RBFOX1: variants seen among roughly 807,000 people sequenced by gnomAD.
RBFOX1 encodes RNA binding protein fox-1 homolog 1.
In RBFOX1, 8 loss-of-function variants were observed where a neutral mutation model predicts 57.7. The observed-to-expected ratio is 0.14, with a 90% CI of 0.08 to 0.25. The LOEUF (loss-of-function observed/expected upper bound fraction) is 0.25, where lower values mean the gene tolerates loss of function less well. Ranked by LOEUF, RBFOX1 falls within the 10% of genes least tolerant of loss-of-function variation. RBFOX1 has a pLI of 1.00. For synonymous variants in RBFOX1, 326 were observed against 222.4 expected (o/e 1.47, Z -4.15); for missense variants, 611 against 548.5 (o/e 1.11, Z -1.14).
intron 4 of RBFOX1, among the ~76,000 whole-genome samples, chr16:7,327,078 A>G (rs977933894): frequency 2.0e-5 from 3 of 152,226 alleles, no homozygotes; most frequent in Admixed American, 6.5e-5. Context: ...ACCAAACACA[A>G]TGCTGAAATG....
intron 12 of RBFOX1, among the ~76,000 whole-genome samples, chr16:7,659,489 C>G (rs1000323185): frequency 5.9e-5 from 9 of 152,170 alleles, no homozygotes; most frequent in Admixed American, 5.2e-4. Context: ...ACTTTAGACA[C>G]AGGGGCGTCC....
At chr16:5,655,557 G>T (rs1262925251) in intron 3 of RBFOX1, among the ~76,000 whole-genome samples, 2 of 152,176 alleles carry the variant, frequency 1.3e-5, no homozygotes, top group African/African-American at 4.8e-5. Context: ...TTCAAAGTGG[G>T]TTCTGCTACA....
At chr16:5,530,302 T>G (rs1364468447) in intron 2 of RBFOX1, among the ~76,000 whole-genome samples, 1 of 152,158 alleles carries the variant, frequency 6.6e-6, no homozygotes, top group African/African-American at 2.4e-5. Flanking sequence ...GTGCCTGGCC[T>G]TTCTCTCATT....
chr16:7,091,450 G>A (rs1214045659), intron 4 of RBFOX1, among the ~76,000 whole-genome samples: 2 of 151,566 alleles, frequency 1.3e-5, no homozygotes, highest in Non-Finnish European at 1.5e-5. Flanking sequence ...AAGAATTTCT[G>A]AGGGATGTTG....
chr16:5,989,832 T>C (rs1025403706), intron 4 of RBFOX1, among the ~76,000 whole-genome samples: 29 of 62,376 alleles, frequency 4.6e-4, no homozygotes, highest in African/African-American at 1.6e-3. Context: ...GAGAGACTAG[T>C]AACACCCCCT....
chr16:6,511,479 G>A (rs977746170), intron 2 of RBFOX1, among the ~76,000 whole-genome samples: 7 of 152,130 alleles, frequency 4.6e-5, no homozygotes, highest in African/African-American at 9.7e-5. Flanking sequence ...TAAAACATGC[G>A]CTTTTAGAAT....
At chr16:7,364,891 G>A (rs541290009) in intron 4 of RBFOX1, among the ~76,000 whole-genome samples, 33 of 152,318 alleles carry the variant, frequency 2.2e-4, no homozygotes, top group Non-Finnish European at 4.3e-4. Context: ...TCAAGATGCT[G>A]TTAGGAAGGT....
At chr16:7,004,284 A>C (rs143570008) in intron 3 of RBFOX1, among the ~76,000 whole-genome samples, 181 of 152,346 alleles carry the variant, frequency 1.2e-3, no homozygotes, top group Non-Finnish European at 8.1e-4. Context: ...TATATTAATT[A>C]GATTAAATTA....
intron 4 of RBFOX1, among the ~76,000 whole-genome samples, chr16:7,444,979 C>G (rs1346969539): frequency 6.6e-6 from 1 of 152,000 alleles, no homozygotes; most frequent in Non-Finnish European, 1.5e-5. Flanking sequence ...CATGTTCTAA[C>G]TCTTATTGCT....
intron 2 of RBFOX1, among the ~76,000 whole-genome samples, chr16:6,589,152 A>G (rs542635702): frequency 4.4e-4 from 67 of 152,318 alleles, no homozygotes; most frequent in African/African-American, 1.6e-3. Flanking sequence ...GAACCATGGC[A>G]CCCAGCTAGA....
At chr16:7,161,938 C>A (rs938999870) in intron 4 of RBFOX1, among the ~76,000 whole-genome samples, 6 of 152,160 alleles carry the variant, frequency 3.9e-5, no homozygotes, top group Non-Finnish European at 5.9e-5. Context: ...TTGGGGTTAC[C>A]CAAGTTGAGC....
intron 10 of RBFOX1, 21 bp downstream of exon 10, chr16:7,607,359 C>A (rs769902614): frequency 1.9e-6 from 3 of 1,604,626 alleles, no homozygotes; most frequent in Non-Finnish European, 2.6e-6. Flanking sequence ...TCTCTTTGCA[C>A]GAAGTCTTCT....
chr16:5,879,142 A>G (rs2057696315), intron 4 of RBFOX1, among the ~76,000 whole-genome samples: 1 of 152,134 alleles, frequency 6.6e-6, no homozygotes, highest in South Asian at 2.1e-4. Flanking sequence ...CTTTGCAGAG[A>G]AGGGGAGAGA....
chr16:7,280,022 G>A (rs148578442), intron 4 of RBFOX1, among the ~76,000 whole-genome samples: 21 of 152,312 alleles, frequency 1.4e-4, no homozygotes, highest in African/African-American at 4.6e-4. Context: ...CACATCACCT[G>A]CTCTGAAGGT....
intron 1 of RBFOX1, among the ~76,000 whole-genome samples, chr16:5,331,851 G>A (rs1192194439): frequency 6.6e-6 from 1 of 152,184 alleles, no homozygotes; most frequent in Non-Finnish European, 1.5e-5. Context: ...TGCCCACCCT[G>A]GGCACCAACC....
chr16:5,831,833 C>G (rs528901958), intron 3 of RBFOX1, among the ~76,000 whole-genome samples: 17 of 152,248 alleles, frequency 1.1e-4, no homozygotes, highest in Non-Finnish European at 2.5e-4. Context: ...GTGAAATAAA[C>G]AAATTATTTA....
At chr16:7,148,148 C>A (rs2152249012) in intron 4 of RBFOX1, among the ~76,000 whole-genome samples, 1 of 152,308 alleles carries the variant, frequency 6.6e-6, no homozygotes, top group South Asian at 2.1e-4. Flanking sequence ...GCAAAAAATG[C>A]TGTTCTCAGG....
At chr16:5,328,192 T>G (rs114037058) in intron 1 of RBFOX1, among the ~76,000 whole-genome samples, 220 of 152,276 alleles carry the variant, frequency 1.4e-3, no homozygotes, top group African/African-American at 5.0e-3. Flanking sequence ...GAATATGACT[T>G]ACTTGGAGAT....
intron 3 of RBFOX1, among the ~76,000 whole-genome samples, chr16:6,984,160 T>C (rs1015984771): frequency 2.6e-5 from 4 of 152,036 alleles, no homozygotes; most frequent in Non-Finnish European, 4.4e-5. Flanking sequence ...GGCAGGACAA[T>C]TGCTTGAACC....
Sources: gnomAD v4.1 joint callset for allele counts (sites outside exome capture counted in the v4.1 genomes callset) on GRCh38, gnomAD v4.1.1 for gene constraint, MANE v1.5 for transcripts, NCBI Gene and HGNC (gene_info 2026-07-23, HGNC 2026-07-21) for gene names.